DMD: variants seen among roughly 807,000 people sequenced by gnomAD.
The protein encoded by DMD is mutant dystrophin.
In DMD, 63 loss-of-function variants were observed where a neutral mutation model predicts 330.1. The observed-to-expected ratio is 0.19, with a 90% CI of 0.16 to 0.24. The LOEUF is 0.24. DMD is among the 10% of genes least tolerant of loss of function. The pLI, the probability that DMD is intolerant of heterozygous loss-of-function variation, is 1.00. For synonymous variants in DMD, 1,223 were observed against 959.8 expected, an observed-to-expected ratio of 1.27 and a Z score of -5.07; for missense variants, 3,344 against 2,684.1, an observed-to-expected ratio of 1.25 and a Z score of -5.43.
intron 41 of DMD, among the ~76,000 whole-genome samples, chrX:32,332,697 A>C (rs2097686911): frequency 9.0e-6 from 1 of 110,672 alleles, no homozygotes; most frequent in African/African-American, 3.3e-5. Flanking sequence ...TATCCCTTGA[A>C]ATTCATGAAG....
chrX:31,600,865 G>T (rs1344221823), intron 55 of DMD, among the ~76,000 whole-genome samples: 1 of 107,866 alleles, frequency 9.3e-6, no homozygotes, highest in Non-Finnish European at 1.9e-5. Context: ...ACGGCTTCAG[G>T]TCTAGGAGAG....
chrX:31,275,269 A>G (rs2052019589), intron 62 of DMD, among the ~76,000 whole-genome samples: 1 of 110,314 alleles, frequency 9.1e-6, no homozygotes, highest in Non-Finnish European at 1.9e-5. Flanking sequence ...CGCTCATATT[A>G]ATAATTTACT....
At chrX:31,455,277 C>A (rs777339319) in intron 59 of DMD, among the ~76,000 whole-genome samples, 32 of 110,796 alleles carry the variant, frequency 2.9e-4, no homozygotes, top group African/African-American at 1.0e-3. Context: ...ACTCTCAACA[C>A]CCTATTTTCC....
intron 60 of DMD, among the ~76,000 whole-genome samples, chrX:31,424,478 A>C (rs1188332832): frequency 8.9e-6 from 1 of 112,058 alleles, no homozygotes; most frequent in Non-Finnish European, 1.9e-5. Context: ...TTTGGAAATC[A>C]GGTTTTTGGT....
At chrX:32,560,190 A>AG (rs2050825483) in intron 16 of DMD, among the ~76,000 whole-genome samples, 1 of 109,082 alleles carries the variant, frequency 9.2e-6, no homozygotes, top group Non-Finnish European at 1.9e-5. Flanking sequence ...TCGCTTGAAA[A>AG]AAAAAATATA....
intron 7 of DMD, among the ~76,000 whole-genome samples, chrX:32,789,747 T>C (rs1282381987): frequency 8.9e-6 from 1 of 111,994 alleles, no homozygotes; most frequent in Non-Finnish European, 1.9e-5. Context: ...AGATAAAGTA[T>C]GGAAATTATC....
At chrX:32,687,344 A>C (rs1336469405) in intron 9 of DMD, among the ~76,000 whole-genome samples, 1 of 112,033 alleles carries the variant, frequency 8.9e-6, no homozygotes, top group Non-Finnish European at 1.9e-5. Context: ...TAAGATGGAT[A>C]CAATATGTTT....
At chrX:31,649,084 A>G (rs1437910188) in intron 54 of DMD, among the ~76,000 whole-genome samples, 6 of 111,965 alleles carry the variant, frequency 5.4e-5, no homozygotes, top group Middle Eastern at 4.7e-3. Context: ...TAATGGTTCA[A>G]TTAAACCAAA....
Position 33,102,119 on chromosome X carries a change from G to A in DMD, c.32-81919C>T, listed in dbSNP as rs1300737982. 3.6e-5 allele frequency among the ~76,000 whole-genome samples: 4 copies of A among 111,684 alleles called. No individual in the cohort carries two copies. In the East Asian group the frequency reaches 1.1e-3, roughly 31 times the overall value. On this transcript the variant is annotated intron_variant, in intron 1 of 78. Coordinates refer to ENST00000357033, the MANE Select transcript of DMD (RefSeq NM_004006.3). ...TTTAGGCTCACGGACTTCATAGACT[G>A]TCACGTTTTATTTATTTCAGGTTTG...
In DMD at chrX:32,882,874, C is replaced by T. The variant is rs147158466; in HGVS notation, c.94-33054G>A. On this transcript the variant is annotated intron_variant, in intron 2 of 78. Coordinates refer to ENST00000357033, the MANE Select transcript of DMD (RefSeq NM_004006.3). ...TACTGCGTAGTCACCTCCTGCACACCAAAGTTTAGGAAGACATTGAGCTAA... is the reference window on the plus strand; with the variant it reads ...TACTGCGTAGTCACCTCCTGCACACTAAAGTTTAGGAAGACATTGAGCTAA... Among the ~76,000 whole-genome samples the T allele has an allele frequency of 6.3e-3, 707 of 112,156 alleles. 4 individuals are homozygous for T. The highest frequency in any genetic ancestry group is 0.021 in the African/African-American group (658 of 30,931).
intron 1 of DMD, among the ~76,000 whole-genome samples, chrX:33,245,383 C>G (rs1025435508): frequency 3.6e-5 from 4 of 111,279 alleles, no homozygotes; most frequent in Non-Finnish European, 7.5e-5. Flanking sequence ...TCTGAATAGT[C>G]AAAACTGATG....
chrX:32,720,407 GTTTT>G (rs945743344), intron 7 of DMD, among the ~76,000 whole-genome samples: 1 of 110,779 alleles, frequency 9.0e-6, no homozygotes, highest in Non-Finnish European at 1.9e-5. Flanking sequence ...TTTTACAATC[GTTTT>G]TTTACTTAGC....
At chrX:31,639,843 T>C (rs5972424) in intron 54 of DMD, among the ~76,000 whole-genome samples, 19,432 of 110,933 alleles carry the variant, frequency 0.18, 1,573 homozygotes, top group African/African-American at 0.29. Context: ...TACAAAGTAT[T>C]TGTTATTTAA....
intron 45 of DMD, among the ~76,000 whole-genome samples, chrX:31,961,947 G>T (rs1603618228): frequency 9.1e-6 from 1 of 110,340 alleles, no homozygotes; most frequent in East Asian, 2.9e-4. Flanking sequence ...TAAGGAGAAG[G>T]TTGGTAGGAA....
rs754449180 is a variant in DMD at position 31,627,506 on chromosome X, T to C, written c.8217+167A>G. Among the ~76,000 whole-genome samples the C allele has an allele frequency of 2.7e-5, 3 of 112,079 alleles. No individual in the cohort carries two copies. The East Asian group carries it at 8.4e-4, about 32-fold the overall frequency. On this transcript the variant is annotated intron_variant, in intron 55 of 78. Transcript: ENST00000357033. The stretch of plus-strand genomic sequence containing the variant: ...GTGTTAAGTGGAATTATAAATGATG[T>C]TTCCTTCTCCCTCTGCCTCTCTCCT...
chrX:32,406,066 T>C (rs1485560717), intron 30 of DMD, among the ~76,000 whole-genome samples: 2 of 111,533 alleles, frequency 1.8e-5, no homozygotes, highest in African/African-American at 6.5e-5. Flanking sequence ...CTGTTATTGG[T>C]GTATAAGAAT....
intron 1 of DMD, among the ~76,000 whole-genome samples, chrX:33,053,620 A>T (rs1016135016): frequency 9.1e-6 from 1 of 110,149 alleles, no homozygotes; most frequent in Non-Finnish European, 1.9e-5. Context: ...AAGAAAGAAA[A>T]CAAAAAGAAA....
chrX:31,523,190 G>A (rs1287783883), intron 55 of DMD, among the ~76,000 whole-genome samples: 2 of 111,382 alleles, frequency 1.8e-5, no homozygotes, highest in African/African-American at 3.3e-5. Flanking sequence ...TTTTAAGAAT[G>A]AAACACTGTT....
Position 33,193,491 on chromosome X carries a change from A to T in DMD, c.31+17791T>A, listed in dbSNP as rs138594516. ...TAAAAGAGATACAGTGTATAGACAC[A>T]ATTTTAATGGTTTCCTGCAATTGGA... On this transcript the variant is annotated intron_variant, in intron 1 of 78. Transcript: ENST00000357033. Among the ~76,000 whole-genome samples, 594 of 112,187 alleles carry T rather than the reference A, an allele frequency of 5.3e-3. 4 individuals carry two copies. The highest frequency in any genetic ancestry group is 0.018 in the African/African-American group (569 of 30,920).
Sources: gnomAD v4.1 joint callset for allele counts (sites outside exome capture counted in the v4.1 genomes callset) on GRCh38, gnomAD v4.1.1 for gene constraint, MANE v1.5 for transcripts, NCBI Gene and HGNC (gene_info 2026-07-23, HGNC 2026-07-21) for gene names.